Variants in RAD51B observed in about 807,000 individuals in gnomAD.
RAD51B encodes DNA repair protein RAD51 homolog 2.
In RAD51B, 38 loss-of-function variants were observed where a neutral mutation model predicts 42.2. That is an observed-to-expected ratio of 0.90 (90% CI 0.70 to 1.18). RAD51B has a LOEUF of 1.18. RAD51B is among the 50% of genes most tolerant of loss of function. The pLI is 0.00. For missense variants in RAD51B, 373 were observed against 400.7 expected (o/e 0.93, Z 0.59); for synonymous variants, 154 against 145.2 (o/e 1.06, Z -0.43).
At chr14:68,046,964 G>GTT (rs892993882) in intron 7 of RAD51B, among the ~76,000 whole-genome samples, 1 of 142,388 alleles carries the variant, frequency 7.0e-6, no homozygotes, top group African/African-American at 2.6e-5. Context: ...TTTGCTTTTT[G>GTT]TTTTTTTTTT....
chr14:68,595,660 C>A, exon 11 of RAD51B: 1 of 1,006,338 alleles, frequency 9.9e-7, no homozygotes, highest in Non-Finnish European at 1.2e-6. Flanking sequence ...AAAATAGACA[C>A]AACTAAATGT....
intron 9 of RAD51B, among the ~76,000 whole-genome samples, chr14:68,415,599 G>A (rs1211373084): frequency 6.6e-6 from 1 of 152,176 alleles, no homozygotes; most frequent in Non-Finnish European, 1.5e-5. Flanking sequence ...GAGGAGATGG[G>A]GGGTCCTGGC....
intron 7 of RAD51B, among the ~76,000 whole-genome samples, chr14:68,170,107 T>C (rs901197272): frequency 2.0e-5 from 3 of 152,198 alleles, no homozygotes; most frequent in Non-Finnish European, 4.4e-5. Context: ...GAGAACTCTT[T>C]GGTTTTAAAT....
intron 8 of RAD51B, among the ~76,000 whole-genome samples, chr14:68,371,956 T>A (rs1384696699): frequency 6.6e-6 from 1 of 152,208 alleles, no homozygotes; most frequent in East Asian, 1.9e-4. Context: ...TGAGCTGTAG[T>A]GAGAATATGG....
At chr14:68,092,096 C>T (rs1462279580) in intron 7 of RAD51B, among the ~76,000 whole-genome samples, 1 of 152,194 alleles carries the variant, frequency 6.6e-6, no homozygotes, top group Non-Finnish European at 1.5e-5. Context: ...GTTTTGGTTA[C>T]TGTAGCTTTG....
At chr14:68,070,928 T>C (rs2076730673) in intron 7 of RAD51B, among the ~76,000 whole-genome samples, 1 of 152,208 alleles carries the variant, frequency 6.6e-6, no homozygotes, top group Non-Finnish European at 1.5e-5. Context: ...GGAATGTTTT[T>C]CCATTTGTTT....
intron 7 of RAD51B, among the ~76,000 whole-genome samples, chr14:68,249,608 A>G (rs2080576588): frequency 6.6e-6 from 1 of 152,226 alleles, no homozygotes; most frequent in South Asian, 2.1e-4. Flanking sequence ...CAACTGGACT[A>G]TAGTTTTACA....
intron 7 of RAD51B, among the ~76,000 whole-genome samples, chr14:68,281,828 C>T (rs768131574): frequency 6.6e-6 from 1 of 152,134 alleles, no homozygotes; most frequent in Non-Finnish European, 1.5e-5. Context: ...TCCTCTCTAG[C>T]GACTCTTGAG....
intron 7 of RAD51B, among the ~76,000 whole-genome samples, chr14:67,947,908 A>T (rs532364649): frequency 6.6e-6 from 1 of 152,364 alleles, no homozygotes; most frequent in East Asian, 1.9e-4. Flanking sequence ...TTTAGAGGAA[A>T]ACTTTACATA....
intron 7 of RAD51B, among the ~76,000 whole-genome samples, chr14:68,061,802 T>A (rs2076572341): frequency 6.6e-6 from 1 of 152,130 alleles, no homozygotes; most frequent in African/African-American, 2.4e-5. Flanking sequence ...TTTGATGGAG[T>A]ATTTAGGTTT....
At chr14:68,203,923 T>C (rs2079537561) in intron 7 of RAD51B, among the ~76,000 whole-genome samples, 1 of 152,258 alleles carries the variant, frequency 6.6e-6, no homozygotes, top group South Asian at 2.1e-4. Flanking sequence ...GTTAAGCCCT[T>C]GCTCTGGATT....
chr14:67,920,696 A>G (rs1489201287), intron 7 of RAD51B, among the ~76,000 whole-genome samples: 2 of 152,192 alleles, frequency 1.3e-5, no homozygotes, highest in African/African-American at 4.8e-5. Flanking sequence ...ACAAACATTG[A>G]TGGCATATGT....
chr14:68,359,466 C>T (rs993646737), intron 8 of RAD51B, among the ~76,000 whole-genome samples: 2 of 151,846 alleles, frequency 1.3e-5, no homozygotes, highest in African/African-American at 4.8e-5. Context: ...GGGGCAATCA[C>T]TGGGGTTGGG....
At chr14:67,920,460 C>A (rs2044286916) in intron 7 of RAD51B, among the ~76,000 whole-genome samples, 1 of 151,914 alleles carries the variant, frequency 6.6e-6, no homozygotes, top group South Asian at 2.1e-4. Flanking sequence ...ATCAGTATTT[C>A]TCTTATATAA....
At chr14:68,558,521 G>C (rs1480530409) in intron 10 of RAD51B, among the ~76,000 whole-genome samples, 1 of 152,200 alleles carries the variant, frequency 6.6e-6, no homozygotes, top group Non-Finnish European at 1.5e-5. Flanking sequence ...GTCCTTCCTT[G>C]CCTCTTCTCA....
chr14:68,441,433 T>A (rs898046999), intron 9 of RAD51B, among the ~76,000 whole-genome samples: 2 of 137,840 alleles, frequency 1.5e-5, no homozygotes, highest in Non-Finnish European at 3.1e-5. Context: ...TCCCAGCTAC[T>A]CGGGAAGCTG....
chr14:68,190,844 A>G (rs2079251077), intron 7 of RAD51B, among the ~76,000 whole-genome samples: 1 of 152,174 alleles, frequency 6.6e-6, no homozygotes, highest in African/African-American at 2.4e-5. Flanking sequence ...AGAAGCTAGC[A>G]TTTTATCCCA....
chr14:68,670,195 T>C (rs531650177), intron 11 of RAD51B, among the ~76,000 whole-genome samples: 2 of 152,244 alleles, frequency 1.3e-5, no homozygotes, highest in East Asian at 3.9e-4. Flanking sequence ...AAGTTTGGGA[T>C]TGGAACCGTC....
chr14:67,944,057 T>C (rs576522659), intron 7 of RAD51B, among the ~76,000 whole-genome samples: 1 of 152,260 alleles, frequency 6.6e-6, no homozygotes, highest in East Asian at 1.9e-4. Flanking sequence ...TAGATGGCGC[T>C]GTAGGACTTA....
Sources: gnomAD v4.1 joint callset for allele counts (sites outside exome capture counted in the v4.1 genomes callset) on GRCh38, gnomAD v4.1.1 for gene constraint, MANE v1.5 for transcripts, NCBI Gene and HGNC (gene_info 2026-07-23, HGNC 2026-07-21) for gene names.